The following LOC122539214 variants were observed in gnomAD, a reference collection of about 807,000 sequenced individuals.
At chr19:52,663,376 C>G in the LOC122539214 span, among the ~76,000 whole-genome samples, 3 of 152,148 alleles carry the variant, frequency 2.0e-5, no homozygotes, top group Non-Finnish European at 4.4e-5. Context: ...GAAATGAGAT[C>G]TGAGCAAATG....
chr19:52,668,665 C>T, the LOC122539214 span, among the ~76,000 whole-genome samples: 1 of 152,178 alleles, frequency 6.6e-6, no homozygotes, highest in Non-Finnish European at 1.5e-5. Flanking sequence ...CAAACCATAG[C>T]TATTGAAACA....
chr19:52,678,173 C>T, the LOC122539214 span, among the ~76,000 whole-genome samples: 1 of 152,064 alleles, frequency 6.6e-6, no homozygotes, highest in African/African-American at 2.4e-5. Context: ...GAGGATAAGG[C>T]CAGGCTCGGT....
chr19:52,676,443 T>TC, the LOC122539214 span, among the ~76,000 whole-genome samples: 8 of 150,336 alleles, frequency 5.3e-5, no homozygotes, highest in South Asian at 2.1e-4. Flanking sequence ...TGGCCGCCCA[T>TC]GTCTGGGATG....
chr19:52,673,054 C>T, the LOC122539214 span, among the ~76,000 whole-genome samples: 1 of 151,648 alleles, frequency 6.6e-6, no homozygotes, highest in African/African-American at 2.4e-5. Context: ...CCTGTCTCTA[C>T]CAAAAATACA....
At chr19:52,689,650 T>C in the LOC122539214 span, among the ~76,000 whole-genome samples, 345 of 152,316 alleles carry the variant, frequency 2.3e-3, 1 homozygote, top group African/African-American at 7.9e-3. Flanking sequence ...TTCTTTTCAC[T>C]TTTGCTGTCT....
the LOC122539214 span, among the ~76,000 whole-genome samples, chr19:52,677,021 C>T: frequency 1.4e-5 from 2 of 147,206 alleles, no homozygotes; most frequent in Non-Finnish European, 1.5e-5. Flanking sequence ...CCTAGGAAAA[C>T]CAGAGACCTT....
At chr19:52,686,887 A>C in the LOC122539214 span, among the ~76,000 whole-genome samples, 3 of 152,098 alleles carry the variant, frequency 2.0e-5, no homozygotes, top group African/African-American at 4.8e-5. Context: ...TGTCCATTTT[A>C]GAAAGTACTA....
chr19:52,653,160 G>T, the LOC122539214 span: 14 of 1,434,112 alleles, frequency 9.8e-6, no homozygotes, highest in Middle Eastern at 1.9e-4. Flanking sequence ...GTTTTTCTCC[G>T]GTATGAAGTC....
At chr19:52,659,215 G>A in the LOC122539214 span, among the ~76,000 whole-genome samples, 1 of 152,014 alleles carries the variant, frequency 6.6e-6, no homozygotes, top group Admixed American at 6.6e-5. Flanking sequence ...ACCTGTGAAG[G>A]AAGCGTGAGG....
the LOC122539214 span, among the ~76,000 whole-genome samples, chr19:52,687,580 ATATATATATATATAT>A: frequency 1.3e-3 from 34 of 26,554 alleles, no homozygotes; most frequent in African/African-American, 0.018. Context: ...TATAAATTTT[ATATATATATATATAT>A]AATGTATATA....
the LOC122539214 span, among the ~76,000 whole-genome samples, chr19:52,655,924 TA>T: frequency 2.8e-5 from 1 of 35,390 alleles, no homozygotes; most frequent in African/African-American, 1.6e-4. Context: ...ATACAAAAAA[TA>T]TATGTCTGGG....
chr19:52,654,659 G>A, the LOC122539214 span, among the ~76,000 whole-genome samples: 7 of 152,284 alleles, frequency 4.6e-5, 1 homozygote, highest in South Asian at 1.5e-3. Context: ...AGAGATTGCA[G>A]TGAACAGAGA....
At chr19:52,678,803 G>C in the LOC122539214 span, among the ~76,000 whole-genome samples, 3 of 151,910 alleles carry the variant, frequency 2.0e-5, no homozygotes, top group African/African-American at 7.3e-5. Context: ...GTGAAAACCT[G>C]TCTCTACTAA....
chr19:52,681,280 C>CAAAA, the LOC122539214 span, among the ~76,000 whole-genome samples: 188 of 75,084 alleles, frequency 2.5e-3, 6 homozygotes, highest in African/African-American at 5.2e-3. Flanking sequence ...GAGACTTTCT[C>CAAAA]AAAAAAAAAA....
chr19:52,678,336 G>C, the LOC122539214 span, among the ~76,000 whole-genome samples: 43 of 150,462 alleles, frequency 2.9e-4, no homozygotes, highest in Non-Finnish European at 5.5e-4. Flanking sequence ...TATAATCCCA[G>C]TTACTTGGGA....
chr19:52,674,523 G>T, the LOC122539214 span, among the ~76,000 whole-genome samples: 2 of 152,120 alleles, frequency 1.3e-5, no homozygotes, highest in African/African-American at 2.4e-5. Context: ...TGTGTAGAAA[G>T]TCACAAAGAC....
the LOC122539214 span, chr19:52,652,946 G>A: frequency 8.1e-7 from 1 of 1,234,166 alleles, no homozygotes; most frequent in African/African-American, 1.5e-5. Flanking sequence ...GATGACATAT[G>A]ACTGAAGGTC....
chr19:52,672,572 T>A, the LOC122539214 span, among the ~76,000 whole-genome samples: 40 of 152,324 alleles, frequency 2.6e-4, no homozygotes, highest in Non-Finnish European at 4.4e-4. Context: ...ACATAGCACC[T>A]CATCTTTATG....
chr19:52,652,045 G>A, the LOC122539214 span: 1 of 234,988 alleles, frequency 4.3e-6, no homozygotes, highest in Non-Finnish European at 8.6e-6. Context: ...GTTCTGCAAG[G>A]AGTGACCTCA....
Sources: allele counts gnomAD v4.1 joint callset (sites outside exome capture counted in the v4.1 genomes callset), GRCh38; gene constraint gnomAD v4.1.1; transcripts MANE v1.5.